Variants in FCHSD2 observed in about 807,000 individuals in gnomAD.
The protein encoded by FCHSD2 is F-BAR and double SH3 domains protein 2.
In FCHSD2, 38 loss-of-function variants were observed where a neutral mutation model predicts 108.1. That is an observed-to-expected ratio of 0.35 (90% CI 0.27 to 0.46). FCHSD2 has a LOEUF of 0.46. Ranked by LOEUF, FCHSD2 falls within the 20% of genes least tolerant of loss-of-function variation. The pLI, the probability that FCHSD2 is intolerant of heterozygous loss-of-function variation, is 1.00. For missense variants in FCHSD2, 751 were observed against 897.8 expected (o/e 0.84, Z 2.09); for synonymous variants, 279 against 314.7 (o/e 0.89, Z 1.20).
intron 2 of FCHSD2, among the ~76,000 whole-genome samples, chr11:73,093,620 A>G (rs1052050938): frequency 6.0e-5 from 9 of 151,152 alleles, no homozygotes; most frequent in African/African-American, 1.9e-4. Flanking sequence ...TTTTTTTTTG[A>G]GACCGAGTTT....
rs116831617 is a variant in FCHSD2, at chr11:73,106,319, T to C, written c.120-22579A>G. The stretch of plus-strand genomic sequence containing the variant: ...CATTCGGGAGGCTAAGGCAGGAGGA[T>C]TGCTTGAGCCCATGAAGTCAAGGCT... On this transcript the variant is annotated intron_variant, in intron 2 of 19. Coordinates refer to ENST00000409418, the MANE Select transcript of FCHSD2 (RefSeq NM_014824.3). Among the ~76,000 whole-genome samples, 1,443 of 151,564 alleles carry C rather than the reference T, an allele frequency of 9.5e-3. 27 individuals are homozygous for C. The highest frequency in any genetic ancestry group is 0.033 in the African/African-American group (1,357 of 41,288).
At chr11:73,062,759 A>G (rs1055462959) in intron 3 of FCHSD2, among the ~76,000 whole-genome samples, 11 of 152,194 alleles carry the variant, frequency 7.2e-5, no homozygotes, top group African/African-American at 2.7e-4. Context: ...AAAAGGACGA[A>G]CAAAGCTTCC....
chr11:73,109,150 T>C (rs1229871972), intron 2 of FCHSD2, among the ~76,000 whole-genome samples: 1 of 152,220 alleles, frequency 6.6e-6, no homozygotes, highest in African/African-American at 2.4e-5. Context: ...AGTCAGGTAA[T>C]GTGATTCCTC....
intron 2 of FCHSD2, among the ~76,000 whole-genome samples, chr11:73,117,113 C>CA (rs1201258113): frequency 1.3e-5 from 2 of 152,106 alleles, no homozygotes; most frequent in Admixed American, 6.5e-5. Context: ...TTCTACTTAT[C>CA]AATAACAGAA....
At chr11:73,021,142 G>T (rs1260370114) in intron 3 of FCHSD2, among the ~76,000 whole-genome samples, 1 of 151,902 alleles carries the variant, frequency 6.6e-6, no homozygotes, top group Non-Finnish European at 1.5e-5. Context: ...CTCCCAAAGG[G>T]CTGGGATTAA....
chr11:73,106,068 C>T (rs1403579332), intron 2 of FCHSD2, among the ~76,000 whole-genome samples: 1 of 152,166 alleles, frequency 6.6e-6, no homozygotes, highest in Non-Finnish European at 1.5e-5. Context: ...ATGTGGAGAA[C>T]ATCTGTGGTT....
At chr11:73,086,312 G>A (rs577373995) in intron 2 of FCHSD2, among the ~76,000 whole-genome samples, 1 of 152,300 alleles carries the variant, frequency 6.6e-6, no homozygotes, top group East Asian at 1.9e-4. Context: ...GGGAGGCTGA[G>A]GCAGGAGAAT....
chr11:73,096,223 G>A (rs1157414299), intron 2 of FCHSD2, among the ~76,000 whole-genome samples: 1 of 151,826 alleles, frequency 6.6e-6, no homozygotes, highest in Non-Finnish European at 1.5e-5. Context: ...TATTTAAAAT[G>A]AATTTTTAAA....
rs78345869 is a variant in FCHSD2 at position 72,982,832 on chromosome 11, C to G, written c.705+1256G>C. ...ATTTTACCCATAAATTCAGGATAAA[C>G]GTAATGAAATTTTTTAAAAATCTAA... On this transcript the variant is annotated intron_variant, in intron 8 of 19. Transcript: ENST00000409418. 8.6e-3 allele frequency among the ~76,000 whole-genome samples: 1,302 copies of G among 152,100 alleles called. 7 individuals are homozygous for G. Among genetic ancestry groups the G allele is most frequent in the Non-Finnish European group, 0.015 (1,015 of 67,998 alleles).
intron 2 of FCHSD2, among the ~76,000 whole-genome samples, chr11:73,084,790 A>G (rs964746057): frequency 3.7e-4 from 56 of 152,326 alleles, no homozygotes; most frequent in Middle Eastern, 6.8e-3. Flanking sequence ...TATATAAAAT[A>G]ACAGTGTACC....
At chr11:73,063,550 T>A (rs979861992) in intron 3 of FCHSD2, among the ~76,000 whole-genome samples, 1 of 152,082 alleles carries the variant, frequency 6.6e-6, no homozygotes, top group Non-Finnish European at 1.5e-5. Flanking sequence ...ACCCATCTCA[T>A]GTGCAAAGAC....
At chr11:73,044,165 A>C (rs550680004) in intron 3 of FCHSD2, among the ~76,000 whole-genome samples, 4 of 152,332 alleles carry the variant, frequency 2.6e-5, no homozygotes, top group Admixed American at 2.6e-4. Flanking sequence ...TGTATAAATC[A>C]AACAAAGAGA....
chr11:73,068,367 G>C (rs1008003115), intron 3 of FCHSD2, among the ~76,000 whole-genome samples: 35 of 150,774 alleles, frequency 2.3e-4, no homozygotes, highest in African/African-American at 7.6e-4. Context: ...GGGTTGGGGG[G>C]GCGGAGAGAG....
At chr11:72,933,961 T>C (rs1014650560) in intron 8 of FCHSD2, among the ~76,000 whole-genome samples, 1 of 151,688 alleles carries the variant, frequency 6.6e-6, no homozygotes, top group Non-Finnish European at 1.5e-5. Flanking sequence ...ATACAAAAAT[T>C]AGCCAGGTGT....
At chr11:72,905,366 A>T (rs1054887449) in intron 9 of FCHSD2, among the ~76,000 whole-genome samples, 1 of 152,196 alleles carries the variant, frequency 6.6e-6, no homozygotes, top group African/African-American at 2.4e-5. Flanking sequence ...TGTAATAATC[A>T]TATCAAGGTA....
At chr11:72,874,852 C>T (rs1285207244) in intron 12 of FCHSD2, among the ~76,000 whole-genome samples, 9 of 152,140 alleles carry the variant, frequency 5.9e-5, no homozygotes, top group African/African-American at 2.2e-4. Context: ...GATTTGCCAA[C>T]TTATTAAAAA....
intron 8 of FCHSD2, among the ~76,000 whole-genome samples, chr11:72,971,432 G>A (rs1857004855): frequency 6.6e-6 from 1 of 152,082 alleles, no homozygotes; most frequent in Non-Finnish European, 1.5e-5. Flanking sequence ...TGGCAAAAGG[G>A]AGATTATCTG....
At chr11:73,057,442 T>C (rs1000886074) in intron 3 of FCHSD2, among the ~76,000 whole-genome samples, 2 of 152,160 alleles carry the variant, frequency 1.3e-5, no homozygotes, top group African/African-American at 4.8e-5. Flanking sequence ...CCAGCTTACT[T>C]GTCTGCTTCC....
At position 72,954,985 on chromosome 11, in the gene FCHSD2, C is replaced by A. The variant is rs547245435; in HGVS notation, c.705+29103G>T. Among the ~76,000 whole-genome samples, 22 of 152,286 alleles carry A rather than the reference C, an allele frequency of 1.4e-4. 1 individual carries two copies. In the South Asian group the frequency reaches 2.1e-3, roughly 14 times the overall value. On this transcript the variant is annotated intron_variant, in intron 8 of 19. Transcript: ENST00000409418. ...TTCTACCCTCACTCACCACTCAACA[C>A]AATACTTCTGACTTCAGATGTGTGG...
Sources: gnomAD v4.1 joint callset for allele counts (sites outside exome capture counted in the v4.1 genomes callset) on GRCh38, gnomAD v4.1.1 for gene constraint, MANE v1.5 for transcripts, NCBI Gene and HGNC (gene_info 2026-07-23, HGNC 2026-07-21) for gene names.